TNFAIP6: variants seen among roughly 807,000 people sequenced by gnomAD.
TNFAIP6 encodes the protein TNF alpha induced protein 6.
A neutral mutation model predicts 33.7 loss-of-function variants in TNFAIP6; 36 were observed. That is an observed-to-expected ratio of 1.07 (90% CI 0.82 to 1.41). The LOEUF is 1.41. TNFAIP6 is among the 40% of genes most tolerant of loss of function. The pLI is 0.00. For missense variants in TNFAIP6, 273 were observed against 331.9 expected (o/e 0.82, Z 1.38); for synonymous variants, 113 against 112.8 (o/e 1.00, Z -0.01).
intron 1 of TNFAIP6, 147 bp downstream of exon 1, chr2:151,357,907 A>C: frequency 2.1e-6 from 1 of 487,030 alleles, no homozygotes; most frequent in Non-Finnish European, 3.6e-6. Flanking sequence ...TTTGGAATAC[A>C]TACGCTTTTT....
rs1278745392 is a variant in TNFAIP6, at chr2:151,379,511, C to G, written c.812C>G (p.Ala271Gly). 3 of 1,558,400 alleles carry G rather than the reference C, an allele frequency of 1.9e-6. No individual in the cohort carries two copies. Among genetic ancestry groups the G allele is most frequent in the Non-Finnish European group, 2.6e-6 (3 of 1,160,760 alleles). ...TTSTGNKNFLAGRFSHL is the reference protein window; with the variant it reads ...TTSTGNKNFLGGRFSHL ...TCTACTGGAAATAAAAACTTTTTAG[C>G]TGGAAGATTTAGCCACTTATAAAAA... is the stretch of plus-strand genomic sequence containing the variant. Residue 271 changes from alanine (A) to glycine (G), a missense_variant, in exon 6 of 6, where the codon GCT (alanine) becomes GGT (glycine). Transcript: ENST00000243347.
chr2:151,379,048 C>G (rs1013622865), intron 5 of TNFAIP6, among the ~76,000 whole-genome samples: 2 of 151,976 alleles, frequency 1.3e-5, no homozygotes, highest in African/African-American at 4.8e-5. Context: ...TGCGGTGAGC[C>G]GAGATCGCGC....
intron 4 of TNFAIP6, among the ~76,000 whole-genome samples, chr2:151,373,129 C>T (rs1317917872): frequency 1.3e-5 from 2 of 151,880 alleles, no homozygotes; most frequent in African/African-American, 4.8e-5. Context: ...ACCAGCCTGG[C>T]CAACATGGTG....
At chr2:151,365,812 C>T (rs1684698972) in intron 2 of TNFAIP6, among the ~76,000 whole-genome samples, 1 of 151,988 alleles carries the variant, frequency 6.6e-6, no homozygotes, top group East Asian at 1.9e-4. Context: ...TTCATACCCA[C>T]AATAATTTGT....
At chr2:151,366,479 A>G (rs1684712100) in intron 3 of TNFAIP6, among the ~76,000 whole-genome samples, 1 of 152,234 alleles carries the variant, frequency 6.6e-6, no homozygotes, top group Non-Finnish European at 1.5e-5. Context: ...ATTGAAACTT[A>G]GAGAATTAAG....
At chr2:151,370,932 G>C (rs995396144) in intron 4 of TNFAIP6, among the ~76,000 whole-genome samples, 3 of 152,036 alleles carry the variant, frequency 2.0e-5, no homozygotes, top group Admixed American at 1.3e-4. Context: ...TTAGCCGGGC[G>C]TGGTGGCAGG....
At chr2:151,361,700 A>G (rs995409907) in intron 1 of TNFAIP6, among the ~76,000 whole-genome samples, 1 of 152,204 alleles carries the variant, frequency 6.6e-6, no homozygotes, top group Non-Finnish European at 1.5e-5. Flanking sequence ...GACCCACAGC[A>G]CCTAGCAAAA....
intron 3 of TNFAIP6, among the ~76,000 whole-genome samples, chr2:151,366,681 T>C (rs1684716349): frequency 6.6e-6 from 1 of 152,232 alleles, no homozygotes; most frequent in South Asian, 2.1e-4. Flanking sequence ...GTCCTTTTGA[T>C]ACAACGGGGA....
rs111330164 is a variant in TNFAIP6 at position 151,357,864 on chromosome 2, T to C, written c.94+104T>C. ...CTTTTTCTATTCTGTACAAGGCTGA[T>C]GTTCTCAAAGAAAATGCTTAGGAAA... On this transcript the variant is annotated intron_variant, in intron 1 of 5. Coordinates refer to ENST00000243347, the MANE Select transcript of TNFAIP6 (RefSeq NM_007115.4). The C allele has an allele frequency of 5.6e-3, 3,893 of 693,718 alleles. 25 individuals carry two copies. Among genetic ancestry groups the C allele is most frequent in the Non-Finnish European group, 7.8e-3 (3,184 of 407,522 alleles). The allele number at this position is 693,718 out of a possible 1,614,324, so 43.0% of individuals were successfully genotyped here. A position where few individuals can be genotyped will look rare whatever the true frequency, so the allele number is the denominator to read the frequency against.
In TNFAIP6 at chr2:151,379,475, C is replaced by G. The variant is rs1468470122; in HGVS notation, c.776C>G (p.Thr259Arg). 6.3e-7 allele frequency: 1 copy of G among 1,595,790 alleles called. No homozygotes were observed. Among genetic ancestry groups the G allele is most frequent in the South Asian group, 1.1e-5 (1 of 88,664 alleles). ...TCCAAATCCAGTCAAGGAAAAAATA[C>G]AAGTACTACTTCTACTGGAAATAAA... is the stretch of plus-strand genomic sequence containing the variant. ...PVSKSSQGKN[T>R]STTSTGNKNF... The change falls in exon 6 of 6, where the codon ACA (threonine) becomes AGA (arginine). Residue 259 changes from threonine (T) to arginine (R), a missense_variant. By Grantham distance (71) the Thr-to-Arg change is moderately conservative. Coordinates refer to ENST00000243347, the MANE Select transcript of TNFAIP6 (RefSeq NM_007115.4).
chr2:151,376,427 A>G (rs757851763), intron 5 of TNFAIP6, among the ~76,000 whole-genome samples: 2,454 of 151,680 alleles, frequency 0.016, 34 homozygotes, highest in Middle Eastern at 0.024. Flanking sequence ...TCAAAAAAAA[A>G]AAAAAAAAAG....
intron 5 of TNFAIP6, among the ~76,000 whole-genome samples, chr2:151,376,767 G>A (rs1175179408): frequency 6.8e-6 from 1 of 146,144 alleles, no homozygotes; most frequent in Non-Finnish European, 1.5e-5. Context: ...GTTATTCAAC[G>A]TTTCAATGAA....
chr2:151,358,533 T>C (rs1158637566), intron 1 of TNFAIP6, among the ~76,000 whole-genome samples: 1 of 152,230 alleles, frequency 6.6e-6, no homozygotes, highest in African/African-American at 2.4e-5. Context: ...TACAAATTGA[T>C]ATTGCTCTAT....
intron 5 of TNFAIP6, among the ~76,000 whole-genome samples, chr2:151,375,795 A>G (rs1684896780): frequency 6.6e-6 from 1 of 152,208 alleles, no homozygotes; most frequent in Admixed American, 6.5e-5. Flanking sequence ...AACCCAGGGT[A>G]TAGATTACAA....
At chr2:151,361,904 T>C (rs1209533894) in intron 1 of TNFAIP6, among the ~76,000 whole-genome samples, 1 of 152,220 alleles carries the variant, frequency 6.6e-6, no homozygotes, top group Admixed American at 6.5e-5. Context: ...GGATTTACTA[T>C]GTAATGTATA....
chr2:151,371,359 A>C (rs1684812536), intron 4 of TNFAIP6, among the ~76,000 whole-genome samples: 1 of 152,176 alleles, frequency 6.6e-6, no homozygotes, highest in African/African-American at 2.4e-5. Context: ...ATTTTAGACT[A>C]TCAATTATCA....
chr2:151,380,839 G>A (rs1431532553), downstream of TNFAIP6, among the ~76,000 whole-genome samples: 1 of 152,060 alleles, frequency 6.6e-6, no homozygotes, highest in Admixed American at 6.6e-5. Flanking sequence ...CTCCATTTTG[G>A]TTTGGTCTCT....
intron 4 of TNFAIP6, among the ~76,000 whole-genome samples, chr2:151,371,295 A>G (rs182984139): frequency 6.6e-6 from 1 of 152,196 alleles, no homozygotes; most frequent in African/African-American, 2.4e-5. Context: ...ATTGCAAATT[A>G]AAGAGTGTAC....
rs546704031 is a variant in TNFAIP6 at position 151,363,913 on chromosome 2, G to A, written c.95-30G>A. The A allele has an allele frequency of 4.4e-6, 7 of 1,608,726 alleles. No individual in the cohort carries two copies. The African/African-American group carries it at 9.4e-5, about 22-fold the overall frequency. Reference sequence around the variant, plus strand: ...CCCTGTTCCGTAAGAAGGAACAACAGTGCTTTTATGACATCATCTGATTTT... The same window carrying A: ...CCCTGTTCCGTAAGAAGGAACAACAATGCTTTTATGACATCATCTGATTTT... On this transcript the variant is annotated intron_variant, in intron 1 of 5. Transcript: ENST00000243347.
Sources: allele counts gnomAD v4.1 joint callset (sites outside exome capture counted in the v4.1 genomes callset), GRCh38; gene constraint gnomAD v4.1.1; transcripts MANE v1.5; gene names NCBI Gene and HGNC (gene_info 2026-07-23, HGNC 2026-07-21).